The following ABI1 variants were observed in gnomAD, a reference collection of about 807,000 sequenced individuals.
ABI1 encodes Abelson interactor 1.
ABI1 carries 14 observed loss-of-function variants against 54.6 expected under a neutral mutation model. The observed-to-expected ratio is 0.26, with a 90% CI of 0.17 to 0.40. ABI1 has a LOEUF of 0.40. ABI1 is among the 10% of genes least tolerant of loss of function. The probability of loss-of-function intolerance (pLI) is 1.00; values close to 1 mark genes in which losing one functional copy is unlikely to be tolerated. For synonymous variants in ABI1, 194 were observed against 209.3 expected (o/e 0.93, Z 0.63); for missense variants, 443 against 598.3 (o/e 0.74, Z 2.71).
chr10:26,781,889 T>C (rs1359774153), intron 2 of ABI1, among the ~76,000 whole-genome samples: 1 of 152,192 alleles, frequency 6.6e-6, no homozygotes, highest in East Asian at 1.9e-4. Context: ...TCCATCATCA[T>C]ACCAGACACA....
intron 1 of ABI1, among the ~76,000 whole-genome samples, chr10:26,830,624 T>TAAAA (rs71403893): frequency 7.9e-6 from 1 of 126,328 alleles, no homozygotes; most frequent in Non-Finnish European, 1.7e-5. Flanking sequence ...CTGTCTCCTT[T>TAAAA]AAAAAAAAAA....
intron 2 of ABI1, among the ~76,000 whole-genome samples, chr10:26,799,361 T>C (rs2046393481): frequency 6.6e-6 from 1 of 152,186 alleles, no homozygotes; most frequent in Admixed American, 6.5e-5. Context: ...TTCTCAAAAA[T>C]ATTTTAAAAT....
At chr10:26,859,614 A>G (rs2051132788) in intron 1 of ABI1, among the ~76,000 whole-genome samples, 1 of 152,230 alleles carries the variant, frequency 6.6e-6, no homozygotes, top group African/African-American at 2.4e-5. Flanking sequence ...ACCACACACA[A>G]TTCACTTCCA....
chr10:26,856,275 G>T (rs998085307), intron 1 of ABI1, among the ~76,000 whole-genome samples: 2 of 105,580 alleles, frequency 1.9e-5, no homozygotes, highest in Admixed American at 9.6e-5. Context: ...TCTGTCTAAA[G>T]AAAAAAAAAA....
rs1429431765 is a variant in ABI1, at chr10:26,753,363, C to G, written c.1085-1580G>C. 2.0e-5 allele frequency among the ~76,000 whole-genome samples: 3 copies of G among 152,128 alleles called. No homozygotes were observed. The East Asian group carries it at 5.8e-4, about 29-fold the overall frequency. Reference sequence around the variant, plus strand: ...CAGACCCCTCCTGACATCAAACAGCCATAGTTCATATCCTTAATTTGGCTT... The same window carrying G: ...CAGACCCCTCCTGACATCAAACAGCGATAGTTCATATCCTTAATTTGGCTT... On this transcript the variant is annotated intron_variant, in intron 9 of 10. Transcript: ENST00000376140.
chr10:26,759,726 T>C (rs1838859343), intron 7 of ABI1, among the ~76,000 whole-genome samples: 1 of 152,208 alleles, frequency 6.6e-6, no homozygotes, highest in African/African-American at 2.4e-5. Flanking sequence ...CTTATAATGA[T>C]AAGTCTCTAT....
chr10:26,845,958 C>G (rs1422196584), intron 1 of ABI1, among the ~76,000 whole-genome samples: 2 of 152,034 alleles, frequency 1.3e-5, no homozygotes, highest in Non-Finnish European at 2.9e-5. Context: ...GCCTGGCCAA[C>G]ATGGTGAAAC....
chr10:26,803,601 TTA>T (rs1191083052), intron 2 of ABI1, among the ~76,000 whole-genome samples: 2 of 152,248 alleles, frequency 1.3e-5, no homozygotes, highest in African/African-American at 4.8e-5. Context: ...GCAAAAATGT[TTA>T]GTGATCACAT....
At chr10:26,779,033 T>C (rs574849434) in intron 2 of ABI1, among the ~76,000 whole-genome samples, 25 of 152,190 alleles carry the variant, frequency 1.6e-4, no homozygotes, top group Admixed American at 5.9e-4. Flanking sequence ...GACCCAGGAG[T>C]CTCATGTCTT....
At chr10:26,778,419 C>A (rs1224163092) in intron 2 of ABI1, among the ~76,000 whole-genome samples, 3 of 148,888 alleles carry the variant, frequency 2.0e-5, no homozygotes, top group Non-Finnish European at 3.0e-5. Context: ...AACAAGACTG[C>A]AGAGAGTGAA....
intron 6 of ABI1, among the ~76,000 whole-genome samples, chr10:26,767,063 G>A (rs1417547443): frequency 6.6e-6 from 1 of 152,050 alleles, no homozygotes; most frequent in Non-Finnish European, 1.5e-5. Flanking sequence ...CTAACAGAAT[G>A]AGCTCTTGAA....
chr10:26,820,274 A>T (rs571639767), intron 2 of ABI1, among the ~76,000 whole-genome samples: 1 of 152,336 alleles, frequency 6.6e-6, no homozygotes, highest in African/African-American at 2.4e-5. Flanking sequence ...GTATATGTAT[A>T]TCAAAACATC....
chr10:26,801,050 A>C (rs74725769), intron 2 of ABI1, among the ~76,000 whole-genome samples: 1 of 152,306 alleles, frequency 6.6e-6, no homozygotes, highest in African/African-American at 2.4e-5. Context: ...GAGAAGACTG[A>C]GGAACTGTGC....
At chr10:26,777,303 A>T (rs2132899849) in intron 2 of ABI1, 62 bp from the exon 3 acceptor site, 1 of 1,349,056 alleles carries the variant, frequency 7.4e-7, no homozygotes, top group East Asian at 2.4e-5. Flanking sequence ...TGCTATCCAT[A>T]TACACTGGAC....
At chr10:26,782,885 C>G (rs970629213) in intron 2 of ABI1, among the ~76,000 whole-genome samples, 7 of 152,076 alleles carry the variant, frequency 4.6e-5, no homozygotes, top group African/African-American at 1.7e-4. Flanking sequence ...AAACTGGAGC[C>G]CTTGTGCACT....
intron 2 of ABI1, among the ~76,000 whole-genome samples, chr10:26,785,181 T>A (rs887400628): frequency 1.1e-4 from 16 of 152,186 alleles, no homozygotes; most frequent in African/African-American, 3.4e-4. Flanking sequence ...AGTTGCATAA[T>A]CATGGGAAAG....
At chr10:26,800,929 C>A (rs1200621850) in intron 2 of ABI1, among the ~76,000 whole-genome samples, 3 of 152,228 alleles carry the variant, frequency 2.0e-5, no homozygotes, top group African/African-American at 7.2e-5. Flanking sequence ...TCACTTGAAC[C>A]CAGGAGGCAG....
At chr10:26,849,451 A>C (rs931576433) in intron 1 of ABI1, among the ~76,000 whole-genome samples, 4 of 152,246 alleles carry the variant, frequency 2.6e-5, no homozygotes, top group African/African-American at 9.6e-5. Context: ...ATGGAAGTAC[A>C]CATACAGTAC....
chr10:26,808,685 T>C (rs1481588637), intron 2 of ABI1, among the ~76,000 whole-genome samples: 1 of 152,082 alleles, frequency 6.6e-6, no homozygotes, highest in Non-Finnish European at 1.5e-5. Flanking sequence ...ATCATGCCAC[T>C]GCACTCCAGC....
Sources: gnomAD v4.1 joint callset for allele counts (sites outside exome capture counted in the v4.1 genomes callset) on GRCh38, gnomAD v4.1.1 for gene constraint, MANE v1.5 for transcripts, NCBI Gene and HGNC (gene_info 2026-07-23, HGNC 2026-07-21) for gene names.